The following YWHAZ variants were observed in gnomAD, a reference collection of about 807,000 sequenced individuals.
YWHAZ encodes tyrosine 3-monooxygenase/tryptophan 5-monooxygenase activation protein zeta.
For missense variants in YWHAZ, 79 were observed against 284.8 expected (o/e 0.28, Z 5.20); for synonymous variants, 87 against 103.6 (o/e 0.84, Z 0.97).
rs561233490 is a variant in YWHAZ at position 100,944,747 on chromosome 8, A to T, written c.294+3849T>A. ...ACTGAAAAGCTAAGATAAACAGGACACAGAAGGTAGTCAAGGTGCTTTACC... is the reference window on the plus strand; with the variant it reads ...ACTGAAAAGCTAAGATAAACAGGACTCAGAAGGTAGTCAAGGTGCTTTACC... On this transcript the variant is annotated intron_variant, in intron 2 of 5. Transcript: ENST00000395958. Among the ~76,000 whole-genome samples the T allele has an allele frequency of 9.2e-5, 14 of 152,338 alleles. No homozygotes were observed. The South Asian group carries it at 2.9e-3, about 32-fold the overall frequency.
intron 2 of YWHAZ, among the ~76,000 whole-genome samples, chr8:100,935,671 C>T (rs993801914): frequency 3.3e-5 from 5 of 152,016 alleles, no homozygotes; most frequent in Non-Finnish European, 2.9e-5. Context: ...TAAGAAAAAT[C>T]CTGCAGAGAG....
At chr8:100,935,125 C>T (rs972146390) in intron 2 of YWHAZ, 1 of 152,136 alleles carries the variant, frequency 6.6e-6, no homozygotes, top group African/African-American at 2.4e-5. Context: ...CCACTGCACT[C>T]CAATGAGTTA....
intron 1 of YWHAZ, chr8:100,951,114 G>C: frequency 1.4e-6 from 1 of 700,310 alleles, no homozygotes; most frequent in Non-Finnish European, 1.7e-6. Flanking sequence ...GAAAATTCAA[G>C]TCCTTCCTCC....
chr8:100,934,157 CAAAAAAAAAAAA>C (rs35069019), intron 2 of YWHAZ, among the ~76,000 whole-genome samples: 13 of 78,228 alleles, frequency 1.7e-4, no homozygotes, highest in African/African-American at 3.4e-4. Flanking sequence ...AGACTCGTCT[CAAAAAAAAAAAA>C]AAAAAAAAAA....
intron 2 of YWHAZ, among the ~76,000 whole-genome samples, chr8:100,942,790 T>C (rs533009188): frequency 6.6e-6 from 1 of 152,280 alleles, no homozygotes; most frequent in African/African-American, 2.4e-5. Flanking sequence ...GAAATCAGCA[T>C]TTTAGAAAGA....
Position 100,948,099 on chromosome 8 carries a change from G to A in YWHAZ, c.294+497C>T. ...TACCTTCAAGAATTCAATGCAGGAAGAGGTTTCATAGTTGTGACGCCAGAG... is the reference window on the plus strand; with the variant it reads ...TACCTTCAAGAATTCAATGCAGGAAAAGGTTTCATAGTTGTGACGCCAGAG... On this transcript the variant is annotated intron_variant, in intron 2 of 5. Coordinates refer to ENST00000395958, the MANE Select transcript of YWHAZ (RefSeq NM_145690.3). The surrounding 1 kb of genome is among the most constrained non-coding windows in gnomAD (Gnocchi z 4.2). The A allele has an allele frequency of 1.3e-6, 2 of 1,534,760 alleles. No homozygotes were observed. The highest frequency in any genetic ancestry group is 8.7e-7 in the Non-Finnish European group (1 of 1,146,606).
rs3735706 is a variant in YWHAZ at position 100,920,800 on chromosome 8, G to C, written c.679-48C>G. 6.7e-3 allele frequency: 6,347 copies of C among 950,474 alleles called. 545 individuals carry two copies. Among genetic ancestry groups the C allele is most frequent in the Admixed American group, 8.6e-3 (409 of 47,524 alleles). The allele number at this position is 950,474 out of a possible 1,614,324, so 58.9% of individuals were successfully genotyped here. On this transcript the variant is annotated intron_variant, in intron 5 of 5. Coordinates refer to ENST00000395958, the MANE Select transcript of YWHAZ (RefSeq NM_145690.3). ...TTCAGCAAGTTTCAGTGGGATGGGG[G>C]GGGGGGGGCGTTTTCATATAAGTGC...
chr8:100,935,687 G>C (rs952196279), intron 2 of YWHAZ, among the ~76,000 whole-genome samples: 5 of 151,584 alleles, frequency 3.3e-5, no homozygotes, highest in Non-Finnish European at 3.0e-5. Flanking sequence ...GAGAGAACTG[G>C]AAGAGAGTGT....
intron 1 of YWHAZ, among the ~76,000 whole-genome samples, chr8:100,949,686 T>C (rs939513205): frequency 5.3e-5 from 8 of 152,208 alleles, no homozygotes; most frequent in Admixed American, 1.3e-4. Flanking sequence ...AATTTATAAG[T>C]GTTTCCAATG....
chr8:100,941,595 G>A (rs963605092), intron 2 of YWHAZ, among the ~76,000 whole-genome samples: 1 of 152,110 alleles, frequency 6.6e-6, no homozygotes, highest in Non-Finnish European at 1.5e-5. Context: ...GACCAGCCCG[G>A]CCAACATGGC....
Position 100,951,994 on chromosome 8 carries a change from C to T in YWHAZ, c.-77G>A. 1 of 1,003,860 alleles carries T rather than the reference C, an allele frequency of 1.0e-6. No homozygotes were observed. Among genetic ancestry groups the T allele is most frequent in the Non-Finnish European group, 1.2e-6 (1 of 842,664 alleles). The allele number at this position is 1,003,860 out of a possible 1,614,324, so 62.2% of individuals were successfully genotyped here. On this transcript the variant is annotated 5_prime_UTR_variant, in exon 1 of 6. Coordinates refer to ENST00000395958, the MANE Select transcript of YWHAZ (RefSeq NM_145690.3). Reference sequence around the variant, plus strand: ...AGCAGTCTCTGGGCGGCGGCGGCGGCAGCAGCGGCGAGGCTGAGACTCTGT... The same window carrying T: ...AGCAGTCTCTGGGCGGCGGCGGCGGTAGCAGCGGCGAGGCTGAGACTCTGT...
At chr8:100,949,009 T>A (rs970724082) in intron 1 of YWHAZ, 109 bp from the exon 2 acceptor site, 2 of 1,261,064 alleles carry the variant, frequency 1.6e-6, no homozygotes, top group African/African-American at 3.0e-5. Context: ...TAACTGCCTG[T>A]GAAAGACTGT....
At chr8:100,938,680 T>A (rs886814959) in intron 2 of YWHAZ, among the ~76,000 whole-genome samples, 3 of 152,184 alleles carry the variant, frequency 2.0e-5, no homozygotes, top group Non-Finnish European at 4.4e-5. Context: ...CTCTTAAAAT[T>A]TTAAAAAGAA....
rs1161028560 is a variant in YWHAZ at position 100,916,879 on chromosome 8, AT to A, written c.*3813del. ...TGACTACTACCAGTCACATAAAAGT[AT>A]TTAATTAGTTTCACACTTAGAAAAG... On this transcript the variant is annotated 3_prime_UTR_variant, in exon 6 of 6. Transcript: ENST00000395958. 2.3e-4 allele frequency: 34 copies of A among 146,222 alleles called. No individual in the cohort carries two copies. The highest frequency in any genetic ancestry group is 3.5e-3 in the Middle Eastern group (1 of 286). The allele number at this position is 146,222 out of a possible 1,614,324, so 9.1% of individuals were successfully genotyped here.
intron 2 of YWHAZ, among the ~76,000 whole-genome samples, chr8:100,947,925 GATTAAA>G (rs1810427719): frequency 6.6e-6 from 1 of 152,160 alleles, no homozygotes; most frequent in Non-Finnish European, 1.5e-5. Flanking sequence ...TTATATGACA[GATTAAA>G]ATTAACCAAA....
At position 100,948,271 on chromosome 8, in the gene YWHAZ, G is replaced by C. The variant is rs1208085055; in HGVS notation, c.294+325C>G. The C allele has an allele frequency of 2.7e-6, 2 of 751,610 alleles. No homozygotes were observed. Among genetic ancestry groups the C allele is most frequent in the African/African-American group, 1.8e-5 (1 of 56,526 alleles). The allele number at this position is 751,610 out of a possible 1,614,324, so 46.6% of individuals were successfully genotyped here. A position where few individuals can be genotyped will look rare whatever the true frequency, so the allele number is the denominator to read the frequency against. On this transcript the variant is annotated intron_variant, in intron 2 of 5. Coordinates refer to ENST00000395958, the MANE Select transcript of YWHAZ (RefSeq NM_145690.3). This position sits in a 1 kb window ranked among gnomAD's most constrained non-coding sequence, Gnocchi z 4.2. ...CACAGATGTACATTTAAGATAACCA[G>C]CTATAGAGCTACTACAAATATTCTA...
chr8:100,951,829 GGCGAGTGGGGATGAGGGGACGGA>G (rs1810812740), intron 1 of YWHAZ, 77 bp downstream of exon 1: 66 of 985,798 alleles, frequency 6.7e-5, no homozygotes, highest in Non-Finnish European at 8.0e-5. Flanking sequence ...GCCACCGCGG[GGCGAGTGGGGATGAGGGGACGGA>G]GCGAGGACGG....
At chr8:100,950,874 C>G in intron 1 of YWHAZ, 1 of 160,142 alleles carries the variant, frequency 6.2e-6, no homozygotes, top group Non-Finnish European at 1.3e-5. Flanking sequence ...CCACACCCAG[C>G]CGAGCGGGCC....
At chr8:100,931,864 A>T (rs1677775715) in intron 2 of YWHAZ, among the ~76,000 whole-genome samples, 1 of 152,240 alleles carries the variant, frequency 6.6e-6, no homozygotes, top group African/African-American at 2.4e-5. Context: ...AAAATGGTGA[A>T]GTAGGATGCA....
Sources: gnomAD v4.1 joint callset for allele counts (sites outside exome capture counted in the v4.1 genomes callset) on GRCh38, gnomAD v4.1.1 for gene constraint, Gnocchi (gnomAD v3.1) non-coding constraint, MANE v1.5 for transcripts, NCBI Gene and HGNC (gene_info 2026-07-23, HGNC 2026-07-21) for gene names.